Variants in MOSMO observed in about 807,000 individuals in gnomAD.
The protein encoded by MOSMO is modulator of smoothened protein.
Under a neutral mutation model 18.4 loss-of-function variants are expected in MOSMO, and 5 were observed. The ratio of observed to expected loss-of-function variants is 0.27; its 90% confidence interval spans 0.14 to 0.57. MOSMO has a LOEUF of 0.57. MOSMO is among the 20% of genes least tolerant of loss of function. The probability of loss-of-function intolerance (pLI) is 0.92; values close to 1 mark genes in which losing one functional copy is unlikely to be tolerated. For synonymous variants in MOSMO, 82 were observed against 82.3 expected (o/e 1.00, Z 0.02); for missense variants, 138 against 211.8 (o/e 0.65, Z 2.16).
intron 1 of MOSMO, among the ~76,000 whole-genome samples, chr16:22,050,683 G>A (rs536500842): frequency 4.9e-4 from 74 of 151,706 alleles, no homozygotes; most frequent in Middle Eastern, 3.4e-3. Context: ...TGAGGCCAGG[G>A]GTTTGAAATC....
chr16:22,056,465 A>G (rs1446979508), intron 1 of MOSMO, among the ~76,000 whole-genome samples: 1 of 139,182 alleles, frequency 7.2e-6, no homozygotes, highest in Non-Finnish European at 1.5e-5. Context: ...TCCGCCTCCC[A>G]GGTCAAGCAA....
intron 1 of MOSMO, among the ~76,000 whole-genome samples, chr16:22,052,574 A>G (rs561268893): frequency 2.1e-4 from 32 of 152,328 alleles, no homozygotes; most frequent in African/African-American, 7.7e-4. Context: ...AGTGCCATTT[A>G]TAAGAAAACA....
chr16:22,029,637 T>C (rs1279975510), intron 1 of MOSMO, among the ~76,000 whole-genome samples: 1 of 152,180 alleles, frequency 6.6e-6, no homozygotes, highest in East Asian at 1.9e-4. Context: ...ATTTATTTAT[T>C]TATTTAGAGA....
intron 1 of MOSMO, among the ~76,000 whole-genome samples, chr16:22,054,188 A>T (rs1900487851): frequency 1.3e-5 from 2 of 151,694 alleles, no homozygotes. Context: ...CTCGATCCCC[A>T]GGGCTTAGGT....
intron 1 of MOSMO, among the ~76,000 whole-genome samples, chr16:22,066,389 C>T (rs1900748934): frequency 6.6e-6 from 1 of 152,124 alleles, no homozygotes; most frequent in South Asian, 2.1e-4. Context: ...CCATAGGAGT[C>T]TTTGAAAAGC....
chr16:22,054,155 G>A (rs1209949157), intron 1 of MOSMO, among the ~76,000 whole-genome samples: 1 of 151,738 alleles, frequency 6.6e-6, no homozygotes, highest in Non-Finnish European at 1.5e-5. Context: ...GAGTGCAGTG[G>A]TGGGATCTTA....
intron 1 of MOSMO, among the ~76,000 whole-genome samples, chr16:22,051,067 A>G (rs1036253888): frequency 2.0e-5 from 3 of 152,122 alleles, no homozygotes; most frequent in African/African-American, 7.2e-5. Flanking sequence ...TACAAAACCT[A>G]GAAGCTATAA....
At chr16:22,064,793 G>A (rs563771431) in intron 1 of MOSMO, among the ~76,000 whole-genome samples, 1 of 152,212 alleles carries the variant, frequency 6.6e-6, no homozygotes, top group East Asian at 1.9e-4. Flanking sequence ...ATAAGACAGA[G>A]TAAAAATACA....
At chr16:22,034,744 GTTTTTTTTTTTTTTTTT>G (rs890874059) in intron 1 of MOSMO, among the ~76,000 whole-genome samples, 7 of 55,458 alleles carry the variant, frequency 1.3e-4, no homozygotes, top group African/African-American at 2.6e-4. Flanking sequence ...GTTTTTTTGG[GTTTTTTTTTTTTTTTTT>G]TTTTTTTTTT....
chr16:22,074,796 A>G (rs997752906), intron 1 of MOSMO, among the ~76,000 whole-genome samples: 1 of 152,238 alleles, frequency 6.6e-6, no homozygotes, highest in Admixed American at 6.5e-5. Context: ...TCTGTGAAGC[A>G]TGCCAGCCAT....
At chr16:22,059,660 A>C (rs984118131) in intron 1 of MOSMO, among the ~76,000 whole-genome samples, 3 of 152,190 alleles carry the variant, frequency 2.0e-5, no homozygotes, top group Non-Finnish European at 4.4e-5. Context: ...GGAACTACCA[A>C]ACACTTATAA....
intron 1 of MOSMO, among the ~76,000 whole-genome samples, chr16:22,047,333 C>T (rs1052271895): frequency 1.3e-5 from 2 of 151,002 alleles, no homozygotes; most frequent in African/African-American, 4.9e-5. Context: ...CAAGCTCCGC[C>T]TCCCAGGTTC....
rs1901088071 is a variant in MOSMO, at chr16:22,081,743, A to G, written c.*863A>G. On this transcript the variant is annotated 3_prime_UTR_variant, in exon 3 of 3. Coordinates refer to ENST00000542527, the MANE Select transcript of MOSMO (RefSeq NM_001164579.2). ...ACTGTGGTGTGCAAACCTAGAACCC[A>G]ATAGAAAAAAAAGCCATTTATCTGA... 6.6e-6 allele frequency: 1 copy of G among 151,986 alleles called. No individual in the cohort carries two copies. Among genetic ancestry groups the G allele is most frequent in the South Asian group, 2.1e-4 (1 of 4,832 alleles). The allele number at this position is 151,986 out of a possible 1,614,324, so 9.4% of individuals were successfully genotyped here. A position where few individuals can be genotyped will look rare whatever the true frequency, so the allele number is the denominator to read the frequency against.
At chr16:22,040,759 T>C (rs2142002713) in intron 1 of MOSMO, among the ~76,000 whole-genome samples, 1 of 152,312 alleles carries the variant, frequency 6.6e-6, no homozygotes, top group African/African-American at 2.4e-5. Context: ...ATTTACAACA[T>C]TCAACAGAAA....
In MOSMO at chr16:22,008,418, G is replaced by C. The variant is rs1410659335; in HGVS notation, c.106+11G>C. The C allele has an allele frequency of 7.9e-7, 1 of 1,268,912 alleles. No individual in the cohort carries two copies. Among genetic ancestry groups the C allele is most frequent in the Non-Finnish European group, 1.0e-6 (1 of 985,872 alleles). 78.6% of individuals were successfully genotyped at this position (1,268,912 alleles called of 1,614,324 possible). On this transcript the variant is annotated intron_variant, in intron 1 of 2. Coordinates refer to ENST00000542527, the MANE Select transcript of MOSMO (RefSeq NM_001164579.2). ...CCGGGGAGTCTGCGGGTGAGCCGCT[G>C]GCGCGCCGGGCCGGGCGGGGGATTG... is the stretch of plus-strand genomic sequence containing the variant.
chr16:22,047,732 G>C (rs1900342449), intron 1 of MOSMO, among the ~76,000 whole-genome samples: 1 of 152,136 alleles, frequency 6.6e-6, no homozygotes, highest in Non-Finnish European at 1.5e-5. Flanking sequence ...CCTTAGAAAG[G>C]CAGTTGTGTC....
rs1900890502 is a variant in MOSMO, at chr16:22,073,061, CAGA to C, written c.107-2425_107-2423del. Among the ~76,000 whole-genome samples the C allele has an allele frequency of 4.6e-5, 7 of 152,166 alleles. No individual in the cohort carries two copies. The South Asian group carries it at 1.5e-3, about 32-fold the overall frequency. Reference sequence around the variant, plus strand: ...TAGTCACTTGGTGTGGTGTGCTAGACAGAGGAGGAGGAAAGCAATTCCACTCAG... The same window carrying C: ...TAGTCACTTGGTGTGGTGTGCTAGACGGAGGAGGAAAGCAATTCCACTCAG... On this transcript the variant is annotated intron_variant, in intron 1 of 2. Transcript: ENST00000542527.
chr16:22,009,990 CA>C (rs747232319), intron 1 of MOSMO, among the ~76,000 whole-genome samples: 1 of 150,268 alleles, frequency 6.7e-6, no homozygotes, highest in Non-Finnish European at 1.5e-5. Flanking sequence ...GACTCTGTCT[CA>C]AAAAAAAGAA....
At chr16:22,053,781 C>T (rs992509682) in intron 1 of MOSMO, among the ~76,000 whole-genome samples, 1 of 151,914 alleles carries the variant, frequency 6.6e-6, no homozygotes, top group African/African-American at 2.4e-5. Flanking sequence ...CCAGCCTGGG[C>T]AACAGAGGGA....
Sources: allele counts gnomAD v4.1 joint callset (sites outside exome capture counted in the v4.1 genomes callset), GRCh38; gene constraint gnomAD v4.1.1; transcripts MANE v1.5; gene names NCBI Gene and HGNC (gene_info 2026-07-23, HGNC 2026-07-21).